Variants in NDUFS1 observed in about 807,000 individuals in gnomAD.
NDUFS1 encodes the protein NADH-ubiquinone oxidoreductase 75 kDa subunit, mitochondrial.
Under a neutral mutation model 84.4 loss-of-function variants are expected in NDUFS1, and 61 were observed. The observed-to-expected ratio is 0.72, with a 90% CI of 0.59 to 0.89. NDUFS1 has a LOEUF of 0.89. Among genes scored for constraint, NDUFS1 ranks in the 40% least tolerant of loss-of-function variants. The pLI is 0.00. For missense variants in NDUFS1, 891 were observed against 890.0 expected (o/e 1.00, Z -0.01); for synonymous variants, 275 against 290.0 (o/e 0.95, Z 0.53).
At chr2:206,145,695 A>T (rs1410756115) in intron 8 of NDUFS1, among the ~76,000 whole-genome samples, 1 of 152,184 alleles carries the variant, frequency 6.6e-6, no homozygotes, top group East Asian at 1.9e-4. Flanking sequence ...TATGCACTGA[A>T]AAACTGGTGG....
At chr2:206,158,814 C>T (rs1391495350) in intron 1 of NDUFS1, among the ~76,000 whole-genome samples, 1 of 152,140 alleles carries the variant, frequency 6.6e-6, no homozygotes, top group Non-Finnish European at 1.5e-5. Flanking sequence ...AGTCGTTTTT[C>T]TCAATTTCCC....
intron 2 of NDUFS1, 67 bp from the exon 3 acceptor site, chr2:206,152,577 A>AATTGACTCTAT (rs1692413572): frequency 5.9e-6 from 8 of 1,361,878 alleles, no homozygotes. Flanking sequence ...ATAATGGATG[A>AATTGACTCTAT]ATTGACTCTA....
At chr2:206,148,495 T>C (rs1351647909) in intron 5 of NDUFS1, among the ~76,000 whole-genome samples, 1 of 152,036 alleles carries the variant, frequency 6.6e-6, no homozygotes, top group East Asian at 1.9e-4. Flanking sequence ...TAGAAAATTA[T>C]GATTTTTGGT....
At chr2:206,125,824 A>G (rs1481824234) in intron 18 of NDUFS1, among the ~76,000 whole-genome samples, 2 of 152,100 alleles carry the variant, frequency 1.3e-5, no homozygotes, top group Admixed American at 1.3e-4. Context: ...TCCACTCTCA[A>G]GTAGACTACA....
intron 12 of NDUFS1, among the ~76,000 whole-genome samples, chr2:206,140,162 T>C (rs754823006): frequency 1.3e-5 from 2 of 152,052 alleles, no homozygotes; most frequent in Admixed American, 6.6e-5. Flanking sequence ...CTGGGCAACA[T>C]AGGGAGATCC....
At chr2:206,158,331 T>A (rs571446419) in intron 1 of NDUFS1, among the ~76,000 whole-genome samples, 4 of 152,342 alleles carry the variant, frequency 2.6e-5, no homozygotes, top group Admixed American at 2.6e-4. Context: ...TGCCACCGGC[T>A]GTGACCTCAG....
At chr2:206,143,247 A>G (rs897549000) in intron 10 of NDUFS1, among the ~76,000 whole-genome samples, 4 of 152,180 alleles carry the variant, frequency 2.6e-5, no homozygotes, top group Non-Finnish European at 5.9e-5. Flanking sequence ...GACAACAGCA[A>G]AACTCCATCT....
At position 206,123,577 on chromosome 2, in the gene NDUFS1, C is replaced by A. The variant is rs1342770983; in HGVS notation, c.*608G>T. The A allele has an allele frequency of 1.3e-5, 2 of 152,112 alleles. No individual in the cohort carries two copies. The highest frequency in any genetic ancestry group is 4.8e-5 in the African/African-American group (2 of 41,404). 9.4% of individuals were successfully genotyped at this position (152,112 alleles called of 1,614,324 possible). On this transcript the variant is annotated 3_prime_UTR_variant, in exon 19 of 19. Transcript: ENST00000233190. ...GGCCTTGGGCAAGCTATTTAATATA[C>A]CTAGGCTTCAGTCTTCATCAGTAAA...
At position 206,149,839 on chromosome 2, in the gene NDUFS1, A is replaced by G; in HGVS notation, c.240T>C (p.Val80=). The change falls in exon 4 of 19, where the codon GTT becomes GTC. Residue 80 remains valine (V), a synonymous_variant. Transcript: ENST00000233190. The part of the protein sequence containing the change: ...SVAGNCRMCL[V]EIEKAPKVVA... ...GTACCTTAGGGGCTTTCTCAATTTC[A>G]ACAAGGCACATCCTGCAGTTTCCAG... The G allele has an allele frequency of 1.2e-6, 2 of 1,612,660 alleles. No homozygotes were observed. Among genetic ancestry groups the G allele is most frequent in the Non-Finnish European group, 1.7e-6 (2 of 1,179,654 alleles).
intron 1 of NDUFS1, among the ~76,000 whole-genome samples, chr2:206,155,150 GCT>G (rs1470388327): frequency 1.3e-4 from 19 of 150,748 alleles, no homozygotes; most frequent in Admixed American, 1.3e-3. Flanking sequence ...ACGGAGTCCC[GCT>G]CTGTTGCCCA....
intron 18 of NDUFS1, among the ~76,000 whole-genome samples, chr2:206,125,656 A>T (rs533208002): frequency 3.8e-4 from 56 of 147,280 alleles, no homozygotes; most frequent in Middle Eastern, 6.9e-3. Flanking sequence ...TTCTTTTTTT[A>T]AAAAAAAAAA....
intron 8 of NDUFS1, 111 bp downstream of exon 8, chr2:206,146,792 A>G (rs1319254632): frequency 1.9e-6 from 2 of 1,032,264 alleles, no homozygotes; most frequent in African/African-American, 3.2e-5. Flanking sequence ...TAAACAAACA[A>G]AGTCAACAGA....
chr2:206,125,854 T>C (rs927488603), intron 18 of NDUFS1, among the ~76,000 whole-genome samples: 2 of 152,172 alleles, frequency 1.3e-5, no homozygotes, highest in Non-Finnish European at 2.9e-5. Context: ...GTTTCCTTCT[T>C]TGTGTTCATA....
At position 206,143,254 on chromosome 2, in the gene NDUFS1, A is replaced by G. The variant is rs536142610; in HGVS notation, c.988-423T>C. On this transcript the variant is annotated intron_variant, in intron 10 of 18. Coordinates refer to ENST00000233190, the MANE Select transcript of NDUFS1 (RefSeq NM_005006.7). ...GCCTGGGCGACAACAGCAAAACTCC[A>G]TCTCAAAAACACAAAAAAAGTTGTA... 2.0e-5 allele frequency among the ~76,000 whole-genome samples: 3 copies of G among 152,308 alleles called. No individual in the cohort carries two copies. In the South Asian group the frequency reaches 6.2e-4, roughly 32 times the overall value.
chr2:206,150,540 T>C (rs985685635), intron 3 of NDUFS1, among the ~76,000 whole-genome samples: 4 of 152,210 alleles, frequency 2.6e-5, no homozygotes, highest in African/African-American at 9.7e-5. Flanking sequence ...TCTAAAGCAA[T>C]CTCATCAATT....
At position 206,115,772 on chromosome 2, in the gene NDUFS1, G is replaced by T; in HGVS notation, c.*8413C>A. On this transcript the variant is annotated 3_prime_UTR_variant, in exon 19 of 19. Transcript: ENST00000233190. The stretch of plus-strand genomic sequence containing the variant: ...CAAGTCCAGGTATGGACATACACAA[G>T]TTACAATATTATATAAGGCTTAAGA... The T allele has an allele frequency of 4.3e-5, 17 of 395,854 alleles. No homozygotes were observed. The highest frequency in any genetic ancestry group is 3.4e-4 in the South Asian group (17 of 50,042). 24.5% of individuals were successfully genotyped at this position (395,854 alleles called of 1,614,324 possible). A position where few individuals can be genotyped will look rare whatever the true frequency, so the allele number is the denominator to read the frequency against.
At chr2:206,134,736 G>A (rs1691646230) in intron 13 of NDUFS1, among the ~76,000 whole-genome samples, 1 of 152,154 alleles carries the variant, frequency 6.6e-6, no homozygotes, top group Non-Finnish European at 1.5e-5. Flanking sequence ...CAACACTTTA[G>A]AAGGCTGAGG....
chr2:206,124,093 T>A lies in NDUFS1; in HGVS notation c.*92A>T. ...ATTACATGATTCAAATTATTATTAT[T>A]TTTTTTTACAAAGAAATAAACCTGT... On this transcript the variant is annotated 3_prime_UTR_variant, in exon 19 of 19. Coordinates refer to ENST00000233190, the MANE Select transcript of NDUFS1 (RefSeq NM_005006.7). 1.2e-6 allele frequency: 1 copy of A among 820,148 alleles called. No individual in the cohort carries two copies. The highest frequency in any genetic ancestry group is 2.0e-6 in the Non-Finnish European group (1 of 487,836). The allele number at this position is 820,148 out of a possible 1,614,324, so 50.8% of individuals were successfully genotyped here.
chr2:206,148,851 C>T (rs1416714243), intron 5 of NDUFS1, among the ~76,000 whole-genome samples, 169 bp downstream of exon 5: 1 of 152,162 alleles, frequency 6.6e-6, no homozygotes, highest in Non-Finnish European at 1.5e-5. Context: ...AAACTCCTGA[C>T]TTCACCTTCT....
Sources: allele counts gnomAD v4.1 joint callset (sites outside exome capture counted in the v4.1 genomes callset), GRCh38; gene constraint gnomAD v4.1.1; transcripts MANE v1.5; gene names NCBI Gene and HGNC (gene_info 2026-07-23, HGNC 2026-07-21).